GPR160: variants seen among roughly 807,000 people sequenced by gnomAD.
The protein encoded by GPR160 is G protein-coupled receptor 160.
In GPR160, 2 loss-of-function variants were observed where a neutral mutation model predicts 2.6. That is an observed-to-expected ratio of 0.77 (90% CI 0.32 to 2.44). The LOEUF (loss-of-function observed/expected upper bound fraction) is 2.44, where lower values mean the gene tolerates loss of function less well. Ranked by LOEUF, GPR160 falls within the 30% of genes most tolerant of loss-of-function variation. GPR160 has a pLI of 0.11. For synonymous variants in GPR160, 130 were observed against 132.2 expected, an observed-to-expected ratio of 0.98 and a Z score of 0.12; for missense variants, 351 against 383.6, an observed-to-expected ratio of 0.91 and a Z score of 0.71.
At chr3:170,083,231 G>A (rs1217766909) in intron 3 of GPR160, 1 of 151,746 alleles carries the variant, frequency 6.6e-6, no homozygotes, top group African/African-American at 2.4e-5. Flanking sequence ...GCTTCCTAAT[G>A]TTCTCATGTA....
intron 2 of GPR160, among the ~76,000 whole-genome samples, chr3:170,071,561 G>A (rs1712595371): frequency 6.6e-6 from 1 of 152,132 alleles, no homozygotes; most frequent in Admixed American, 6.5e-5. Flanking sequence ...GGGAGGCTGA[G>A]GTGGGTGGAT....
intron 2 of GPR160, chr3:170,078,084 C>T (rs1004642605): frequency 1.3e-5 from 2 of 151,852 alleles, no homozygotes; most frequent in African/African-American, 4.9e-5. Context: ...CTGGTGGAGC[C>T]TCAGTTTGAG....
intron 2 of GPR160, among the ~76,000 whole-genome samples, chr3:170,069,172 C>A (rs1034094635): frequency 6.6e-6 from 1 of 152,188 alleles, no homozygotes; most frequent in Non-Finnish European, 1.5e-5. Context: ...ATTCTTACTC[C>A]GCAGTTGGAG....
intron 3 of GPR160, among the ~76,000 whole-genome samples, chr3:170,081,126 A>C (rs994325010): frequency 3.9e-5 from 6 of 152,304 alleles, no homozygotes; most frequent in African/African-American, 1.4e-4. Flanking sequence ...GAATCCACAA[A>C]ATTTCCTCAC....
chr3:170,053,232 G>C (rs887944552), intron 2 of GPR160, among the ~76,000 whole-genome samples: 4 of 152,160 alleles, frequency 2.6e-5, no homozygotes, highest in Admixed American at 2.6e-4. Context: ...GGGGAGGATT[G>C]ACATGTTAAT....
At chr3:170,049,822 A>C (rs1050722677) in intron 2 of GPR160, 6 of 152,334 alleles carry the variant, frequency 3.9e-5, no homozygotes, top group African/African-American at 1.4e-4. Flanking sequence ...GTGTGTCCAC[A>C]AAGTTTAGCC....
intron 2 of GPR160, among the ~76,000 whole-genome samples, chr3:170,079,379 T>G (rs777451516): frequency 2.0e-5 from 3 of 152,238 alleles, no homozygotes; most frequent in Non-Finnish European, 4.4e-5. Flanking sequence ...ACTAAATTAT[T>G]GTTTGGTAAA....
intron 2 of GPR160, chr3:170,062,532 C>T: frequency 1.5e-6 from 1 of 677,186 alleles, no homozygotes; most frequent in Non-Finnish European, 2.7e-6. Context: ...GAGCACGAAG[C>T]CCAAGCACAG....
chr3:170,048,752 A>G (rs974675900), intron 2 of GPR160, among the ~76,000 whole-genome samples: 1 of 152,194 alleles, frequency 6.6e-6, no homozygotes, highest in African/African-American at 2.4e-5. Flanking sequence ...ATTCTCACCA[A>G]CCAGTTGCTG....
At chr3:170,059,837 C>T (rs1319016852) in intron 2 of GPR160, among the ~76,000 whole-genome samples, 1 of 151,994 alleles carries the variant, frequency 6.6e-6, no homozygotes, top group Non-Finnish European at 1.5e-5. Context: ...GCTTTTCTTC[C>T]CCCCACTCCC....
intron 3 of GPR160, among the ~76,000 whole-genome samples, chr3:170,081,308 A>G (rs1429292569): frequency 1.3e-5 from 2 of 151,754 alleles, no homozygotes; most frequent in East Asian, 4.2e-4. Context: ...GTGCCCTTGT[A>G]TATCAAATCT....
At chr3:170,072,198 C>T (rs980565358) in intron 2 of GPR160, among the ~76,000 whole-genome samples, 1 of 151,742 alleles carries the variant, frequency 6.6e-6, no homozygotes, top group African/African-American at 2.4e-5. Context: ...CCTCAGCCTC[C>T]CAAGTAGCTG....
chr3:170,058,431 G>A (rs1259051221), intron 2 of GPR160, among the ~76,000 whole-genome samples: 2 of 152,206 alleles, frequency 1.3e-5, no homozygotes, highest in East Asian at 3.8e-4. Flanking sequence ...AAACAGGTCA[G>A]CCACGTGCCT....
At chr3:170,045,499 G>A (rs1392204182) in intron 2 of GPR160, among the ~76,000 whole-genome samples, 1 of 149,324 alleles carries the variant, frequency 6.7e-6, no homozygotes, top group African/African-American at 2.5e-5. Context: ...TACTCGGGAG[G>A]AGACTCGCTT....
At chr3:170,063,876 C>CG (rs1186950989) in intron 2 of GPR160, among the ~76,000 whole-genome samples, 2 of 152,148 alleles carry the variant, frequency 1.3e-5, no homozygotes, top group Non-Finnish European at 2.9e-5. Context: ...CTCTTCCACC[C>CG]GCTGCGGCTT....
At chr3:170,061,224 G>A (rs1204645646) in intron 2 of GPR160, among the ~76,000 whole-genome samples, 3 of 150,422 alleles carry the variant, frequency 2.0e-5, no homozygotes, top group Non-Finnish European at 3.0e-5. Context: ...GCAGTGAGCC[G>A]ATATGGCGCC....
Position 170,083,928 on chromosome 3 carries a change from TATC to T in GPR160, c.-42_-40del, listed in dbSNP as rs747231090. ...AGGGACAGAAAATGAAGCAGTGTTT[TATC>T]ATGTGTATTTCAGCAGGTCTTCTTG... is the stretch of plus-strand genomic sequence containing the variant. On this transcript the variant is annotated 5_prime_UTR_variant, in exon 4 of 4. It adds an upstream start codon to the 5' untranslated region. Transcript: ENST00000355897. 4.6e-6 allele frequency: 5 copies of T among 1,095,412 alleles called. No homozygotes were observed. Among genetic ancestry groups the T allele is most frequent in the Non-Finnish European group, 6.3e-6 (5 of 794,128 alleles). The allele number at this position is 1,095,412 out of a possible 1,614,324, so 67.9% of individuals were successfully genotyped here.
chr3:170,040,114 C>CA (rs1462884110), intron 2 of GPR160, among the ~76,000 whole-genome samples: 1 of 152,124 alleles, frequency 6.6e-6, no homozygotes, highest in Admixed American at 6.5e-5. Flanking sequence ...ATAGGTGCAG[C>CA]AAAACACCAT....
intron 2 of GPR160, among the ~76,000 whole-genome samples, chr3:170,054,719 T>G (rs1369945618): frequency 6.6e-6 from 1 of 152,196 alleles, no homozygotes; most frequent in Non-Finnish European, 1.5e-5. Context: ...ATGATATTTG[T>G]CATCTTCTGT....
Sources: gnomAD v4.1 joint callset for allele counts (sites outside exome capture counted in the v4.1 genomes callset) on GRCh38, gnomAD v4.1.1 for gene constraint, MANE v1.5 for transcripts, NCBI Gene and HGNC (gene_info 2026-07-23, HGNC 2026-07-21) for gene names.